NLGN1: variants seen among roughly 807,000 people sequenced by gnomAD.
NLGN1 encodes the protein neuroligin 1.
A neutral mutation model predicts 65.5 loss-of-function variants in NLGN1; 12 were observed. The ratio of observed to expected loss-of-function variants is 0.18; its 90% CI spans 0.12 to 0.30. The LOEUF is 0.30. Ranked by LOEUF, NLGN1 falls within the 10% of genes least tolerant of loss-of-function variation. NLGN1 has a pLI of 1.00. For missense variants in NLGN1, 750 were observed against 1,007.1 expected (o/e 0.74, Z 3.46); for synonymous variants, 350 against 359.5 (o/e 0.97, Z 0.30).
chr3:173,409,793 A>T (rs1482714501), intron 1 of NLGN1, among the ~76,000 whole-genome samples: 1 of 152,218 alleles, frequency 6.6e-6, no homozygotes, highest in Non-Finnish European at 1.5e-5. Flanking sequence ...GGCTAAAAAG[A>T]ATGAAACATA....
intron 4 of NLGN1, among the ~76,000 whole-genome samples, chr3:174,068,003 G>A (rs1003597199): frequency 1.3e-5 from 2 of 152,124 alleles, no homozygotes; most frequent in Admixed American, 6.6e-5. Flanking sequence ...AGTAGGTGAG[G>A]CTGGAGTGTT....
At chr3:173,887,366 A>C (rs553191635) in intron 4 of NLGN1, among the ~76,000 whole-genome samples, 29 of 151,988 alleles carry the variant, frequency 1.9e-4, no homozygotes, top group African/African-American at 7.0e-4. Context: ...TGTAGCTAAC[A>C]ACTTGATCGT....
chr3:173,789,210 AAGAG>A (rs1049118610), intron 3 of NLGN1, among the ~76,000 whole-genome samples: 30 of 151,744 alleles, frequency 2.0e-4, no homozygotes, highest in African/African-American at 2.7e-4. Flanking sequence ...AAAAAAAAGA[AAGAG>A]AGAGAGAGAG....
chr3:173,574,349 C>A (rs1414992366), intron 2 of NLGN1, among the ~76,000 whole-genome samples: 1 of 151,444 alleles, frequency 6.6e-6, no homozygotes, highest in Non-Finnish European at 1.5e-5. Flanking sequence ...CAGGGAGTAA[C>A]CCAAATATAA....
intron 4 of NLGN1, among the ~76,000 whole-genome samples, chr3:173,959,254 A>G (rs1712940845): frequency 6.6e-6 from 1 of 152,230 alleles, no homozygotes; most frequent in Admixed American, 6.5e-5. Context: ...TGTGGAGCCC[A>G]CAGCCCCAAC....
chr3:173,568,420 G>A (rs1028160641), intron 2 of NLGN1, among the ~76,000 whole-genome samples: 11 of 152,016 alleles, frequency 7.2e-5, no homozygotes, highest in Non-Finnish European at 1.2e-4. Flanking sequence ...TTTTAGTAAA[G>A]ATGGAGTTTT....
chr3:174,055,996 G>C (rs989908537), intron 4 of NLGN1, among the ~76,000 whole-genome samples: 1 of 151,698 alleles, frequency 6.6e-6, no homozygotes, highest in Non-Finnish European at 1.5e-5. Flanking sequence ...TCGAATAAGA[G>C]AGCAGATTAT....
chr3:173,848,366 TAA>T (rs910197908), intron 4 of NLGN1, among the ~76,000 whole-genome samples: 7 of 152,156 alleles, frequency 4.6e-5, no homozygotes, highest in African/African-American at 1.7e-4. Context: ...AGTTGCACCT[TAA>T]AGAGAGCAGA....
chr3:174,257,108 C>T (rs1459726960), intron 4 of NLGN1, among the ~76,000 whole-genome samples: 1 of 152,084 alleles, frequency 6.6e-6, no homozygotes, highest in Non-Finnish European at 1.5e-5. Flanking sequence ...CATGAACAGG[C>T]ACTTCTCAAA....
intron 4 of NLGN1, among the ~76,000 whole-genome samples, chr3:174,042,384 G>A (rs1732533444): frequency 1.3e-5 from 2 of 152,042 alleles, no homozygotes; most frequent in Admixed American, 6.5e-5. Flanking sequence ...ATTAATTTTT[G>A]TGTGTGGCGT....
intron 4 of NLGN1, among the ~76,000 whole-genome samples, chr3:174,216,388 T>C (rs1737601563): frequency 6.6e-6 from 1 of 152,134 alleles, no homozygotes; most frequent in Admixed American, 6.5e-5. Context: ...CAGTTCAGGC[T>C]TTATGGATCA....
intron 4 of NLGN1, among the ~76,000 whole-genome samples, chr3:173,975,764 GC>G (rs1717295100): frequency 6.6e-6 from 1 of 151,736 alleles, no homozygotes; most frequent in Non-Finnish European, 1.5e-5. Flanking sequence ...TCATTTTCTT[GC>G]CCCACTCATT....
rs377225186 is a variant in NLGN1, at chr3:173,620,840, G to A, written c.493+15749G>A. Among the ~76,000 whole-genome samples the A allele has an allele frequency of 2.1e-4, 32 of 152,196 alleles. No homozygotes were observed. The East Asian group carries it at 2.9e-3, about 14-fold the overall frequency. ...TGAGAAGAAAAACATGCAGAGACAG[G>A]AAATCATAAACTGTCAACTGGAAAG... On this transcript the variant is annotated intron_variant, in intron 3 of 6. Transcript: ENST00000457714.
intron 4 of NLGN1, among the ~76,000 whole-genome samples, chr3:174,171,645 T>A (rs1728552037): frequency 6.6e-6 from 1 of 152,208 alleles, no homozygotes; most frequent in Non-Finnish European, 1.5e-5. Context: ...ATAAGCATTT[T>A]TACAGAGTTG....
chr3:173,953,731 A>G (rs1040964018), intron 4 of NLGN1, among the ~76,000 whole-genome samples: 2 of 151,882 alleles, frequency 1.3e-5, no homozygotes, highest in Non-Finnish European at 2.9e-5. Flanking sequence ...TTTTATAGAT[A>G]AAAGGACTCA....
chr3:173,477,840 T>C (rs1413070897), intron 2 of NLGN1, among the ~76,000 whole-genome samples: 5 of 152,108 alleles, frequency 3.3e-5, no homozygotes, highest in Admixed American at 6.5e-5. Context: ...TCTTGTAAAT[T>C]TGTTTAAGTG....
chr3:173,858,152 T>G (rs966432519), intron 4 of NLGN1, among the ~76,000 whole-genome samples: 8 of 152,168 alleles, frequency 5.3e-5, no homozygotes, highest in Non-Finnish European at 8.8e-5. Flanking sequence ...CCATTACTTC[T>G]TTGTTAGCAT....
At chr3:173,408,161 C>A (rs998903756) in intron 1 of NLGN1, among the ~76,000 whole-genome samples, 1 of 152,116 alleles carries the variant, frequency 6.6e-6, no homozygotes, top group East Asian at 1.9e-4. Context: ...CTAGCCCAAG[C>A]ACTCTTTCCA....
chr3:173,608,677 G>A (rs560306480), intron 3 of NLGN1, among the ~76,000 whole-genome samples: 2 of 151,776 alleles, frequency 1.3e-5, no homozygotes, highest in South Asian at 2.1e-4. Context: ...ATAGATTTCC[G>A]TTATGTTAAA....
Sources: allele counts gnomAD v4.1 joint callset (sites outside exome capture counted in the v4.1 genomes callset), GRCh38; gene constraint gnomAD v4.1.1; transcripts MANE v1.5; gene names NCBI Gene and HGNC (gene_info 2026-07-23, HGNC 2026-07-21).